DTNA: variants seen among roughly 807,000 people sequenced by gnomAD.
DTNA encodes the protein dystrobrevin alpha, also known as dystrophin-related protein 3.
A neutral mutation model predicts 100.7 loss-of-function variants in DTNA; 43 were observed. The observed-to-expected ratio is 0.43, with a 90% CI of 0.33 to 0.55. The LOEUF (loss-of-function observed/expected upper bound fraction) is 0.55, where lower values mean the gene tolerates loss of function less well. Ranked by LOEUF, DTNA falls within the 20% of genes least tolerant of loss-of-function variation. The probability of loss-of-function intolerance (pLI) is 0.04; values close to 1 mark genes in which losing one functional copy is unlikely to be tolerated. For missense variants in DTNA, 798 were observed against 953.9 expected, an observed-to-expected ratio of 0.84 and a Z score of 2.15; for synonymous variants, 349 against 347.9, an observed-to-expected ratio of 1.00 and a Z score of -0.04.
chr18:34,614,155 C>T (rs1365660475), intron 1 of DTNA, among the ~76,000 whole-genome samples: 1 of 152,186 alleles, frequency 6.6e-6, no homozygotes, highest in Non-Finnish European at 1.5e-5. Flanking sequence ...GATAATGCAT[C>T]TGTTTATAGC....
chr18:34,669,001 G>C (rs1383248064), intron 1 of DTNA, among the ~76,000 whole-genome samples: 1 of 152,134 alleles, frequency 6.6e-6, no homozygotes, highest in Non-Finnish European at 1.5e-5. Flanking sequence ...CTGTCTCATT[G>C]ATCTGTCTAA....
At chr18:34,847,362 G>A (rs532941062) in intron 13 of DTNA, among the ~76,000 whole-genome samples, 1 of 152,112 alleles carries the variant, frequency 6.6e-6, no homozygotes, top group Non-Finnish European at 1.5e-5. Flanking sequence ...TAAAAGGCAG[G>A]TTATAAATAA....
intron 1 of DTNA, among the ~76,000 whole-genome samples, chr18:34,615,082 T>C (rs2054974552): frequency 1.3e-5 from 2 of 152,206 alleles, no homozygotes; most frequent in Admixed American, 1.3e-4. Flanking sequence ...AATTGACTTA[T>C]GGTTCTACAG....
At chr18:34,815,162 T>C (rs1363302538) in intron 6 of DTNA, among the ~76,000 whole-genome samples, 1 of 152,094 alleles carries the variant, frequency 6.6e-6, no homozygotes, top group Non-Finnish European at 1.5e-5. Context: ...GATATTCTAG[T>C]TCAAAATTTC....
At chr18:34,507,887 T>TA (rs2040649856) in intron 1 of DTNA, among the ~76,000 whole-genome samples, 1 of 152,200 alleles carries the variant, frequency 6.6e-6, no homozygotes, top group Non-Finnish European at 1.5e-5. Context: ...AAAAATATGC[T>TA]AAATTTATGC....
chr18:34,598,934 G>T (rs1032638223), intron 1 of DTNA, among the ~76,000 whole-genome samples: 3 of 152,146 alleles, frequency 2.0e-5, no homozygotes, highest in African/African-American at 7.2e-5. Flanking sequence ...GCTAAGCAAA[G>T]AAAAACTGTA....
At chr18:34,714,092 TA>T (rs1312039701) in intron 1 of DTNA, among the ~76,000 whole-genome samples, 2 of 152,090 alleles carry the variant, frequency 1.3e-5, no homozygotes, top group East Asian at 1.9e-4. Context: ...CAAGATGGAT[TA>T]AAGACTTAAA....
chr18:34,685,081 C>G (rs1381544509), intron 1 of DTNA, among the ~76,000 whole-genome samples: 2 of 152,034 alleles, frequency 1.3e-5, no homozygotes, highest in African/African-American at 4.8e-5. Context: ...AAATTTTCTC[C>G]CATTCTGTAG....
chr18:34,788,508 G>T (rs2094588041), intron 3 of DTNA, among the ~76,000 whole-genome samples: 1 of 152,080 alleles, frequency 6.6e-6, no homozygotes, highest in South Asian at 2.1e-4. Context: ...TAAGTGACTT[G>T]CCCAAGGTCA....
At chr18:34,713,243 G>A (rs1018482106) in intron 1 of DTNA, among the ~76,000 whole-genome samples, 10 of 152,048 alleles carry the variant, frequency 6.6e-5, no homozygotes, top group African/African-American at 2.4e-4. Context: ...AAAGGCCAAT[G>A]CTCTTAGAAG....
chr18:34,857,977 T>C (rs1762432612), intron 15 of DTNA, among the ~76,000 whole-genome samples: 1 of 152,212 alleles, frequency 6.6e-6, no homozygotes, highest in Admixed American at 6.5e-5. Flanking sequence ...TTGCTAGTAG[T>C]AATGCATTAC....
At chr18:34,694,940 C>T (rs1306617226) in intron 1 of DTNA, among the ~76,000 whole-genome samples, 1 of 152,190 alleles carries the variant, frequency 6.6e-6, no homozygotes, top group Admixed American at 6.5e-5. Flanking sequence ...TAGCCTCCCT[C>T]AGTTCCTATT....
At chr18:34,680,330 C>A (rs1446980009) in intron 1 of DTNA, among the ~76,000 whole-genome samples, 1 of 152,064 alleles carries the variant, frequency 6.6e-6, no homozygotes, top group Non-Finnish European at 1.5e-5. Flanking sequence ...CTGATATATG[C>A]CATTGCCATT....
At chr18:34,601,279 T>C (rs565868842) in intron 1 of DTNA, among the ~76,000 whole-genome samples, 1 of 152,254 alleles carries the variant, frequency 6.6e-6, no homozygotes, top group South Asian at 2.1e-4. Context: ...ATGCAGAAAT[T>C]TTTAGGAGAA....
intron 1 of DTNA, among the ~76,000 whole-genome samples, chr18:34,749,870 T>A (rs191023760): frequency 6.6e-6 from 1 of 152,244 alleles, no homozygotes; most frequent in East Asian, 1.9e-4. Flanking sequence ...TACTTTTTTA[T>A]TATATTGCCA....
rs544835452 is a variant in DTNA, at chr18:34,565,426, C to T, written c.-2+71912C>T. On this transcript the variant is annotated intron_variant, in intron 1 of 19. Coordinates refer to the DTNA transcript ENST00000283365. ...AAATTTAGAAAGGGTACTGTATTGGCTTCCTAGGGCTGTTGTAACAAATTA... is the reference window on the plus strand; with the variant it reads ...AAATTTAGAAAGGGTACTGTATTGGTTTCCTAGGGCTGTTGTAACAAATTA... 6.3e-4 allele frequency among the ~76,000 whole-genome samples: 96 copies of T among 152,266 alleles called. 1 individual carries two copies. Among genetic ancestry groups the T allele is most frequent in the African/African-American group, 2.1e-3 (89 of 41,566 alleles).
intron 1 of DTNA, among the ~76,000 whole-genome samples, chr18:34,567,537 A>T (rs952406529): frequency 1.3e-5 from 2 of 152,278 alleles, no homozygotes; most frequent in Middle Eastern, 3.4e-3. Flanking sequence ...TTGATAAGAA[A>T]TTTTTAAGTT....
intron 1 of DTNA, among the ~76,000 whole-genome samples, chr18:34,518,704 C>CGTGT (rs57035462): frequency 0.056 from 6,828 of 121,408 alleles, 212 homozygotes; most frequent in East Asian, 0.098. Context: ...ATTTGGCAAA[C>CGTGT]GTGTGTGTGT....
intron 3 of DTNA, among the ~76,000 whole-genome samples, chr18:34,790,871 T>A (rs9958574): frequency 2.0e-5 from 3 of 152,116 alleles, no homozygotes; most frequent in African/African-American, 7.2e-5. Flanking sequence ...ATGGAAATGG[T>A]GGGATTACAG....
Sources: allele counts gnomAD v4.1 joint callset (sites outside exome capture counted in the v4.1 genomes callset), GRCh38; gene constraint gnomAD v4.1.1; transcripts MANE v1.5; gene names NCBI Gene and HGNC (gene_info 2026-07-23, HGNC 2026-07-21).